Variants in ATP1B3 observed in about 807,000 individuals in gnomAD.
The protein encoded by ATP1B3 is sodium/potassium-transporting ATPase subunit beta-3.
ATP1B3 carries 10 observed loss-of-function variants against 30.2 expected under a neutral mutation model. The ratio of observed to expected loss-of-function variants is 0.33; its 90% CI spans 0.20 to 0.56. The LOEUF (loss-of-function observed/expected upper bound fraction) is 0.56, where lower values mean the gene tolerates loss of function less well. ATP1B3 is among the 20% of genes least tolerant of loss of function. The pLI is 0.90. For missense variants in ATP1B3, 238 were observed against 336.7 expected (o/e 0.71, Z 2.29); for synonymous variants, 113 against 117.0 (o/e 0.97, Z 0.22).
At chr3:141,902,059 G>C in intron 1 of ATP1B3, 1 of 1,106,844 alleles carries the variant, frequency 9.0e-7, no homozygotes, top group East Asian at 5.8e-5. Context: ...TGGCCTGTGG[G>C]CTTTCTGTGT....
chr3:141,879,789 A>ACAAAAAAAAAAAG (rs1202142748), intron 1 of ATP1B3, among the ~76,000 whole-genome samples: 1 of 139,042 alleles, frequency 7.2e-6, no homozygotes, highest in African/African-American at 2.7e-5. Context: ...AAAAAAAAAA[A>ACAAAAAAAAAAAG]CCTTACAGTT....
rs34670135 is a variant in ATP1B3 at position 141,889,756 on chromosome 3, TACACACACACACACACACACACAC to T, written c.109+12863_109+12886del. 3.6e-5 allele frequency among the ~76,000 whole-genome samples: 3 copies of T among 84,042 alleles called. No homozygotes were observed. In the Admixed American group the frequency reaches 4.1e-4, roughly 12 times the overall value. 55.1% of individuals were successfully genotyped at this position (84,042 alleles called of 152,430 possible). ...AAAAAAAAAAAAAAAAAAAAATATA[TACACACACACACACACACACACAC>T]ACACACACACACACACGTATATCTA... On this transcript the variant is annotated intron_variant, in intron 1 of 6. Coordinates refer to ENST00000286371, the MANE Select transcript of ATP1B3 (RefSeq NM_001679.4).
chr3:141,883,875 A>G (rs1421064193), intron 1 of ATP1B3, among the ~76,000 whole-genome samples: 1 of 152,172 alleles, frequency 6.6e-6, no homozygotes, highest in African/African-American at 2.4e-5. Flanking sequence ...TTCAGTGTTC[A>G]AAAGAAGCTT....
Position 141,893,464 on chromosome 3 carries a change from G to A in ATP1B3, c.110-10156G>A, listed in dbSNP as rs747535982. On this transcript the variant is annotated intron_variant, in intron 1 of 6. Coordinates refer to ENST00000286371, the MANE Select transcript of ATP1B3 (RefSeq NM_001679.4). Reference sequence around the variant, plus strand: ...TTCCTGTGGAGTTCCTATTAGATTTGTTTGTATTTCTGGTTCTCTCCCCAA... The same window carrying A: ...TTCCTGTGGAGTTCCTATTAGATTTATTTGTATTTCTGGTTCTCTCCCCAA... 2.0e-5 allele frequency among the ~76,000 whole-genome samples: 3 copies of A among 152,014 alleles called. No individual in the cohort carries two copies. In the East Asian group the frequency reaches 5.8e-4, roughly 29 times the overall value.
chr3:141,913,199 CTT>C (rs577491361), intron 3 of ATP1B3, among the ~76,000 whole-genome samples: 81 of 143,252 alleles, frequency 5.7e-4, no homozygotes, highest in Non-Finnish European at 5.2e-4. Flanking sequence ...AGCTCAGTTG[CTT>C]TTTTTTTTTT....
chr3:141,877,713 A>T (rs1335650542), intron 1 of ATP1B3, among the ~76,000 whole-genome samples: 1 of 151,410 alleles, frequency 6.6e-6, no homozygotes, highest in Non-Finnish European at 1.5e-5. Context: ...GTATGTTAGC[A>T]GATTTTTTCT....
At chr3:141,886,379 T>G (rs1225318279) in intron 1 of ATP1B3, among the ~76,000 whole-genome samples, 1 of 152,202 alleles carries the variant, frequency 6.6e-6, no homozygotes, top group East Asian at 1.9e-4. Flanking sequence ...GCCATAAGCC[T>G]TCTCTGATAT....
chr3:141,895,351 G>A (rs562433752), intron 1 of ATP1B3, among the ~76,000 whole-genome samples: 136 of 151,910 alleles, frequency 9.0e-4, no homozygotes, highest in Non-Finnish European at 1.6e-3. Flanking sequence ...ACCATGCCTG[G>A]CTAATTTTTT....
chr3:141,887,808 A>G (rs1933865899), intron 1 of ATP1B3, among the ~76,000 whole-genome samples: 1 of 152,238 alleles, frequency 6.6e-6, no homozygotes, highest in Non-Finnish European at 1.5e-5. Context: ...AAGAGAGTAC[A>G]TACTATATGG....
chr3:141,915,620 A>G (rs1934447650), intron 4 of ATP1B3, among the ~76,000 whole-genome samples: 1 of 152,190 alleles, frequency 6.6e-6, no homozygotes. Context: ...TGCAGTTCTT[A>G]TTATATACAT....
intron 2 of ATP1B3, among the ~76,000 whole-genome samples, chr3:141,906,248 C>T (rs1033913360): frequency 9.9e-5 from 15 of 151,540 alleles, no homozygotes; most frequent in African/African-American, 3.4e-4. Context: ...GGCACGATCT[C>T]GGCTCACTGC....
At chr3:141,907,078 G>A in intron 2 of ATP1B3, 89 bp from the exon 3 acceptor site, 1 of 907,866 alleles carries the variant, frequency 1.1e-6, no homozygotes, top group Non-Finnish European at 1.6e-6. Flanking sequence ...AATTTTCCAT[G>A]TAATTTGCTG....
intron 1 of ATP1B3, among the ~76,000 whole-genome samples, chr3:141,886,264 C>CTT (rs1439384200): frequency 3.3e-5 from 5 of 152,136 alleles, no homozygotes; most frequent in African/African-American, 1.2e-4. Context: ...ACGGATGTAT[C>CTT]TAAGACCCTT....
intron 1 of ATP1B3, among the ~76,000 whole-genome samples, chr3:141,889,039 G>T (rs9858477): frequency 0.12 from 17,555 of 151,896 alleles, 1,407 homozygotes; most frequent in East Asian, 0.39. Context: ...CAAAGGGAAA[G>T]CAAGGCACTT....
intron 1 of ATP1B3, among the ~76,000 whole-genome samples, chr3:141,899,540 CCT>C (rs1337041814): frequency 2.0e-5 from 3 of 152,066 alleles, no homozygotes; most frequent in Non-Finnish European, 4.4e-5. Context: ...GTGACTTTTC[CCT>C]GTGTCCAGAT....
intron 4 of ATP1B3, among the ~76,000 whole-genome samples, chr3:141,914,533 G>T (rs1934423754): frequency 6.6e-6 from 1 of 152,118 alleles, no homozygotes; most frequent in African/African-American, 2.4e-5. Context: ...GTGATCCCTA[G>T]CCCCCGTGCC....
At chr3:141,906,183 CT>C (rs764571280) in intron 2 of ATP1B3, among the ~76,000 whole-genome samples, 347 of 142,506 alleles carry the variant, frequency 2.4e-3, no homozygotes, top group Admixed American at 4.4e-3. Context: ...AGATCTAATG[CT>C]TTTTTTTTTT....
At chr3:141,879,779 A>C (rs985943767) in intron 1 of ATP1B3, among the ~76,000 whole-genome samples, 28 of 126,072 alleles carry the variant, frequency 2.2e-4, no homozygotes, top group East Asian at 4.6e-4. Flanking sequence ...TCTCCATCTC[A>C]AAAAAAAAAA....
chr3:141,919,419 G>A (rs1407252702), intron 5 of ATP1B3, among the ~76,000 whole-genome samples: 1 of 151,912 alleles, frequency 6.6e-6, no homozygotes, highest in Non-Finnish European at 1.5e-5. Context: ...AGATGGCCAA[G>A]GTGGCCTTTT....
Sources: allele counts gnomAD v4.1 joint callset (sites outside exome capture counted in the v4.1 genomes callset), GRCh38; gene constraint gnomAD v4.1.1; transcripts MANE v1.5; gene names NCBI Gene and HGNC (gene_info 2026-07-23, HGNC 2026-07-21).